MAP3K21: variants seen among roughly 807,000 people sequenced by gnomAD.
The protein encoded by MAP3K21 is mitogen-activated protein kinase kinase kinase MLK4.
MAP3K21 carries 63 observed loss-of-function variants against 86.1 expected under a neutral mutation model. The ratio of observed to expected loss-of-function variants is 0.73; its 90% CI spans 0.60 to 0.90. The LOEUF is 0.90. Among genes scored for constraint, MAP3K21 ranks in the 40% least tolerant of loss-of-function variants. The probability of loss-of-function intolerance (pLI) is 0.00; values close to 1 mark genes in which losing one functional copy is unlikely to be tolerated. For missense variants in MAP3K21, 1,220 were observed against 1,367.7 expected, an observed-to-expected ratio of 0.89 and a Z score of 1.70; for synonymous variants, 558 against 564.8, an observed-to-expected ratio of 0.99 and a Z score of 0.17.
rs1286880296 is a variant in MAP3K21, at chr1:233,328,517, G to A, written c.489G>A (p.Ala163=). Reference sequence around the variant, plus strand: ...AGGACCCGGAGCAGGACGCGGCGGCGGCTGCCGAGAGCGTGCGGCGCGAGG... The same window carrying A: ...AGGACCCGGAGCAGGACGCGGCGGCAGCTGCCGAGAGCGTGCGGCGCGAGG... ...ARQDPEQDAA[A]AAESVRREAR... is the part of the protein sequence containing the mutation. The change falls in exon 1 of 10, where the codon GCG becomes GCA. Residue 163 remains alanine, a synonymous_variant. Transcript: ENST00000366624. The surrounding 1 kb of genome is among the most constrained non-coding windows in gnomAD (Gnocchi z 8.7). 10 of 1,528,022 alleles carry A rather than the reference G, an allele frequency of 6.5e-6. No individual in the cohort carries two copies. Among genetic ancestry groups the A allele is most frequent in the Admixed American group, 1.9e-5 (1 of 51,298 alleles). 94.7% of individuals were successfully genotyped at this position (1,528,022 alleles called of 1,614,324 possible). A position where few individuals can be genotyped will look rare whatever the true frequency, so the allele number is the denominator to read the frequency against.
chr1:233,378,311 C>A lies in MAP3K21; in HGVS notation c.1925-620C>A, dbSNP rs560961181. Among the ~76,000 whole-genome samples, 14 of 152,286 alleles carry A rather than the reference C, an allele frequency of 9.2e-5. No homozygotes were observed. The East Asian group carries it at 2.5e-3, about 27-fold the overall frequency. On this transcript the variant is annotated intron_variant, in intron 8 of 9. Coordinates refer to ENST00000366624, the MANE Select transcript of MAP3K21 (RefSeq NM_032435.3). ...GGATTCTGTAACCTCTTGGGAGAAT[C>A]TTCTATTTTAATGGTCCCCAAACTT...
At chr1:233,336,303 G>A (rs1000089489) in intron 1 of MAP3K21, among the ~76,000 whole-genome samples, 6 of 152,236 alleles carry the variant, frequency 3.9e-5, no homozygotes, top group African/African-American at 1.4e-4. Flanking sequence ...TACTTTGGGA[G>A]GCTGAGGTGG....
chr1:233,330,959 T>C (rs1468734196), intron 1 of MAP3K21, among the ~76,000 whole-genome samples: 2 of 152,148 alleles, frequency 1.3e-5, no homozygotes, highest in East Asian at 1.9e-4. Context: ...TTATAAAGTT[T>C]TATAAACTTT....
At chr1:233,360,375 C>CA (rs1276637148) in intron 4 of MAP3K21, among the ~76,000 whole-genome samples, 3 of 151,962 alleles carry the variant, frequency 2.0e-5, no homozygotes, top group Admixed American at 6.6e-5. Context: ...AATGAAGAAA[C>CA]ACCCACCTGG....
chr1:233,328,127 C>T lies in MAP3K21; in HGVS notation c.99C>T (p.Gly33=). The change falls in exon 1 of 10, where the codon GGC becomes GGT. Residue 33 remains glycine (G), a synonymous_variant. Coordinates refer to ENST00000366624, the MANE Select transcript of MAP3K21 (RefSeq NM_032435.3). This position sits in a 1 kb window ranked among gnomAD's most constrained non-coding sequence, Gnocchi z 8.7. ...CGTCCTCGTCGTCCACCTCCTCGGG[C>T]GGCTCGGCCTCGGCGGGCGCGGGGC... ...GSASSSSTSS[G]GSASAGAGLW... is the part of the protein sequence containing the mutation. 7.1e-7 allele frequency: 1 copy of T among 1,410,764 alleles called. No individual in the cohort carries two copies. Among genetic ancestry groups the T allele is most frequent in the Non-Finnish European group, 9.2e-7 (1 of 1,087,586 alleles). 87.4% of individuals were successfully genotyped at this position (1,410,764 alleles called of 1,614,324 possible). A position where few individuals can be genotyped will look rare whatever the true frequency, so the allele number is the denominator to read the frequency against.
At chr1:233,349,235 A>G (rs888236813) in intron 2 of MAP3K21, among the ~76,000 whole-genome samples, 2 of 152,198 alleles carry the variant, frequency 1.3e-5, no homozygotes, top group Non-Finnish European at 2.9e-5. Flanking sequence ...GTAATTTAGT[A>G]ATTTAATTTA....
chr1:233,370,848 G>C (rs558155526), intron 5 of MAP3K21, among the ~76,000 whole-genome samples: 1 of 152,112 alleles, frequency 6.6e-6, no homozygotes, highest in Non-Finnish European at 1.5e-5. Context: ...TTCTCCAGAC[G>C]GAAGTTATTT....
rs995572882 is a variant in MAP3K21, at chr1:233,384,336, A to G, written c.*1625A>G. The G allele has an allele frequency of 3.9e-5, 6 of 152,330 alleles. No individual in the cohort carries two copies. The highest frequency in any genetic ancestry group is 8.8e-5 in the Non-Finnish European group (6 of 68,026). 9.4% of individuals were successfully genotyped at this position (152,330 alleles called of 1,614,324 possible). On this transcript the variant is annotated 3_prime_UTR_variant, in exon 10 of 10. Transcript: ENST00000366624. ...AACAGTATGAAAGGATTGTATTAAC[A>G]TGGTAAGTTTTGCCCTAAGGAAAAC...
intron 6 of MAP3K21, among the ~76,000 whole-genome samples, chr1:233,375,019 G>A (rs1810360): frequency 0.19 from 29,082 of 151,388 alleles, 2,957 homozygotes; most frequent in South Asian, 0.3. Context: ...TCGGATCACT[G>A]CAACTTCTGC....
intron 1 of MAP3K21, among the ~76,000 whole-genome samples, chr1:233,330,309 T>C (rs1357173180): frequency 6.6e-6 from 1 of 152,232 alleles, no homozygotes; most frequent in East Asian, 1.9e-4. Context: ...AATATGTTGT[T>C]ACTGGTAGCG....
In MAP3K21 at chr1:233,362,301, C is replaced by T. The variant is rs924425775; in HGVS notation, c.1552+8C>T. On this transcript the variant is annotated splice_region_variant and intron_variant, in intron 5 of 9. Coordinates refer to ENST00000366624, the MANE Select transcript of MAP3K21 (RefSeq NM_032435.3). Reference sequence around the variant, plus strand: ...GAATCAGTTTACCTTCAGGTATGATCTTGTTTTTATGTTTTTGAAAGATTT... The same window carrying T: ...GAATCAGTTTACCTTCAGGTATGATTTTGTTTTTATGTTTTTGAAAGATTT... The T allele has an allele frequency of 1.2e-6, 2 of 1,612,094 alleles. No homozygotes were observed. The highest frequency in any genetic ancestry group is 2.7e-5 in the African/African-American group (2 of 74,796).
At position 233,328,320 on chromosome 1, in the gene MAP3K21, G is replaced by T. The variant is rs528887564; in HGVS notation, c.292G>T (p.Ala98Ser). 2.7e-6 allele frequency: 4 copies of T among 1,476,420 alleles called. No homozygotes were observed. Among genetic ancestry groups the T allele is most frequent in the African/African-American group, 2.9e-5 (2 of 68,252 alleles). The allele number at this position is 1,476,420 out of a possible 1,614,324, so 91.5% of individuals were successfully genotyped here. Residue 98 changes from alanine (A) to serine (S), a missense_variant, in exon 1 of 10, where the codon GCT becomes TCT. Transcript: ENST00000366624. The surrounding 1 kb of genome is among the most constrained non-coding windows in gnomAD (Gnocchi z 8.7). ...RLGIFPANYV[A>S]PCRPAASPAP... ...CGGCATCTTCCCCGCCAACTACGTG[G>T]CTCCCTGCCGCCCGGCCGCCAGCCC...
intron 2 of MAP3K21, among the ~76,000 whole-genome samples, chr1:233,348,598 T>C (rs1252088512): frequency 6.6e-6 from 1 of 152,190 alleles, no homozygotes; most frequent in African/African-American, 2.4e-5. Flanking sequence ...CACCTTCTTT[T>C]TTTTTATTCC....
At chr1:233,339,431 T>TCTCCTCCTCCTTCTCCTCCTCCTC (rs1662993066) in intron 1 of MAP3K21, among the ~76,000 whole-genome samples, 1 of 49,182 alleles carries the variant, frequency 2.0e-5, no homozygotes, top group Non-Finnish European at 3.5e-5. Flanking sequence ...TCCTCCTCCT[T>TCTCCTCCTCCTTCTCCTCCTCCTC]CTCCTCCTCC....
intron 7 of MAP3K21, 116 bp from the exon 8 acceptor site, chr1:233,376,314 G>C: frequency 1.2e-6 from 1 of 805,664 alleles, no homozygotes. Flanking sequence ...CTTCAAAACT[G>C]AGTACAAATG....
intron 4 of MAP3K21, among the ~76,000 whole-genome samples, chr1:233,355,356 A>G (rs1663332728): frequency 6.6e-6 from 1 of 152,210 alleles, no homozygotes; most frequent in African/African-American, 2.4e-5. Context: ...GCATGCTGGC[A>G]TAGAAATTAA....
At chr1:233,374,373 A>G (rs1016038528) in intron 6 of MAP3K21, among the ~76,000 whole-genome samples, 2 of 151,900 alleles carry the variant, frequency 1.3e-5, no homozygotes, top group Non-Finnish European at 2.9e-5. Context: ...ACGGAGTTTC[A>G]CCACCTTGGC....
chr1:233,328,080 G>C lies in MAP3K21; in HGVS notation c.52G>C (p.Gly18Arg). Reference protein sequence around the residue: ...GATDTPVSSAGGAPGGSASSS... With the variant: ...GATDTPVSSARGAPGGSASSS... ...GACCGACACCCCGGTGTCCTCGGCCGGGGGAGCCCCCGGCGGCTCAGCGTC... is the reference window on the plus strand; with the variant it reads ...GACCGACACCCCGGTGTCCTCGGCCCGGGGAGCCCCCGGCGGCTCAGCGTC... Residue 18 changes from glycine to arginine, a missense_variant, in exon 1 of 10, where the codon GGG (glycine) becomes CGG (arginine). This residue lies in a region of MAP3K21 where 369 missense variants were observed against 385.3 expected (regional missense o/e 0.96). Transcript: ENST00000366624. This position sits in a 1 kb window ranked among gnomAD's most constrained non-coding sequence, Gnocchi z 8.7. 1 of 1,354,986 alleles carries C rather than the reference G, an allele frequency of 7.4e-7. No homozygotes were observed. Among genetic ancestry groups the C allele is most frequent in the Non-Finnish European group, 9.4e-7 (1 of 1,060,950 alleles). 83.9% of individuals were successfully genotyped at this position (1,354,986 alleles called of 1,614,324 possible).
intron 5 of MAP3K21, among the ~76,000 whole-genome samples, chr1:233,368,317 T>C (rs187596032): frequency 1.3e-5 from 2 of 152,232 alleles, no homozygotes; most frequent in South Asian, 2.1e-4. Context: ...GTCTAGTCAA[T>C]TTTTTACCTC....
Sources: allele counts gnomAD v4.1 joint callset (sites outside exome capture counted in the v4.1 genomes callset), GRCh38; gene constraint gnomAD v4.1.1; regional missense constraint gnomAD v4.1.1; non-coding constraint Gnocchi (gnomAD v3.1); transcripts MANE v1.5; gene names NCBI Gene and HGNC (gene_info 2026-07-23, HGNC 2026-07-21).